The following RBFOX1 variants were observed in gnomAD, a reference collection of about 807,000 sequenced individuals.
RBFOX1 encodes the protein RNA binding fox-1 homolog 1.
Under a neutral mutation model 57.7 loss-of-function variants are expected in RBFOX1, and 8 were observed. The observed-to-expected ratio is 0.14, with a 90% CI of 0.08 to 0.25. The LOEUF is 0.25. Among genes scored for constraint, RBFOX1 ranks in the 10% least tolerant of loss-of-function variants. The pLI is 1.00. For synonymous variants in RBFOX1, 326 were observed against 222.4 expected (o/e 1.47, Z -4.15); for missense variants, 611 against 548.5 (o/e 1.11, Z -1.14).
At chr16:6,852,268 T>A (rs72768832) in intron 3 of RBFOX1, among the ~76,000 whole-genome samples, 1 of 152,000 alleles carries the variant, frequency 6.6e-6, no homozygotes, top group Non-Finnish European at 1.5e-5. Flanking sequence ...TCTGTGTTCT[T>A]GCTGTCTTCC....
At chr16:7,248,324 G>C (rs1218330830) in intron 4 of RBFOX1, among the ~76,000 whole-genome samples, 1 of 152,188 alleles carries the variant, frequency 6.6e-6, no homozygotes, top group Admixed American at 6.5e-5. Context: ...TGTTCATAAA[G>C]GACCGTGCTG....
chr16:7,000,276 C>A (rs866274966), intron 3 of RBFOX1, among the ~76,000 whole-genome samples: 11 of 152,080 alleles, frequency 7.2e-5, no homozygotes, highest in African/African-American at 2.7e-4. Context: ...TAATCTTACA[C>A]ATTTTTAAAG....
chr16:6,795,111 A>G (rs1603624975), intron 3 of RBFOX1, among the ~76,000 whole-genome samples: 1 of 152,160 alleles, frequency 6.6e-6, no homozygotes. Context: ...GGTATATTTT[A>G]TCTACTTTCC....
chr16:5,264,365 G>A (rs1488873215), intron 1 of RBFOX1, among the ~76,000 whole-genome samples: 1 of 152,192 alleles, frequency 6.6e-6, no homozygotes, highest in Non-Finnish European at 1.5e-5. Flanking sequence ...AGGAGACTGT[G>A]CTCTGTTCTT....
chr16:6,383,985 T>C (rs991354869), intron 2 of RBFOX1, among the ~76,000 whole-genome samples: 1 of 151,892 alleles, frequency 6.6e-6, no homozygotes, highest in Non-Finnish European at 1.5e-5. Context: ...GCAGTACATT[T>C]ACTGCTGCTA....
At chr16:5,404,267 A>G (rs192169612) in intron 1 of RBFOX1, among the ~76,000 whole-genome samples, 515 of 152,278 alleles carry the variant, frequency 3.4e-3, no homozygotes, top group Middle Eastern at 0.017. Context: ...CATGTAATAC[A>G]ATTGCACGTG....
chr16:7,616,094 A>G (rs1047372452), intron 10 of RBFOX1, among the ~76,000 whole-genome samples: 2 of 152,204 alleles, frequency 1.3e-5, no homozygotes, highest in Admixed American at 6.5e-5. Context: ...TTGATACCAC[A>G]CAGCTGTGTT....
chr16:7,429,056 C>A (rs148669733), intron 4 of RBFOX1, among the ~76,000 whole-genome samples: 14 of 152,228 alleles, frequency 9.2e-5, no homozygotes, highest in African/African-American at 3.4e-4. Context: ...GGTGACCTGT[C>A]TTGTGGAAAT....
At chr16:5,889,313 C>G (rs963740332) in intron 4 of RBFOX1, among the ~76,000 whole-genome samples, 1 of 152,184 alleles carries the variant, frequency 6.6e-6, no homozygotes, top group Non-Finnish European at 1.5e-5. Context: ...TAAGTGAGAA[C>G]ACGTGGTGTT....
At chr16:5,535,597 C>T (rs796353067) in intron 2 of RBFOX1, among the ~76,000 whole-genome samples, 49 of 152,334 alleles carry the variant, frequency 3.2e-4, no homozygotes, top group African/African-American at 1.1e-3. Context: ...GCTCTCCCCA[C>T]TGGGTCATGC....
At chr16:6,275,305 C>T (rs1022495742) in intron 1 of RBFOX1, among the ~76,000 whole-genome samples, 5 of 50,814 alleles carry the variant, frequency 9.8e-5, no homozygotes, top group African/African-American at 2.9e-4. Flanking sequence ...AGTGAGACTC[C>T]ATCTCAAAAA....
chr16:7,377,571 A>C (rs1341019712), intron 4 of RBFOX1, among the ~76,000 whole-genome samples: 1 of 152,202 alleles, frequency 6.6e-6, no homozygotes, highest in Admixed American at 6.5e-5. Flanking sequence ...GGCAGGAAAA[A>C]ATGTTTTAGA....
At chr16:6,863,045 A>G (rs1441231884) in intron 3 of RBFOX1, among the ~76,000 whole-genome samples, 1 of 152,030 alleles carries the variant, frequency 6.6e-6, no homozygotes, top group Non-Finnish European at 1.5e-5. Context: ...GAGTCCTTCT[A>G]AGGTGTTTGG....
intron 4 of RBFOX1, among the ~76,000 whole-genome samples, chr16:7,060,293 A>G: frequency 6.6e-6 from 1 of 152,184 alleles, no homozygotes; most frequent in East Asian, 1.9e-4. Flanking sequence ...GGCCATAGTT[A>G]GCCAACCCCT....
At chr16:6,682,183 G>A (rs78034254) in intron 3 of RBFOX1, among the ~76,000 whole-genome samples, 18 of 152,236 alleles carry the variant, frequency 1.2e-4, no homozygotes, top group Non-Finnish European at 2.1e-4. Flanking sequence ...TTGTGCCCAA[G>A]GATTAGGGCA....
chr16:6,836,383 G>A (rs1268508867), intron 3 of RBFOX1, among the ~76,000 whole-genome samples: 1 of 152,184 alleles, frequency 6.6e-6, no homozygotes, highest in Non-Finnish European at 1.5e-5. Flanking sequence ...GAAGCAACCA[G>A]AAACCCCATA....
intron 3 of RBFOX1, among the ~76,000 whole-genome samples, chr16:6,696,901 T>C (rs934875342): frequency 8.5e-5 from 13 of 152,200 alleles, no homozygotes; most frequent in African/African-American, 3.1e-4. Flanking sequence ...GAAATGGAGA[T>C]TGCTGTCTTG....
At chr16:6,150,924 T>C (rs1014837826) in intron 1 of RBFOX1, among the ~76,000 whole-genome samples, 9 of 152,190 alleles carry the variant, frequency 5.9e-5, no homozygotes, top group African/African-American at 2.2e-4. Context: ...GATTGACACC[T>C]TGGGCGCCCT....
chr16:7,067,860 T>C (rs2056465731), intron 4 of RBFOX1, among the ~76,000 whole-genome samples: 1 of 151,980 alleles, frequency 6.6e-6, no homozygotes, highest in Admixed American at 6.6e-5. Context: ...ACAAAGGACA[T>C]GAACTCATCA....
Sources: gnomAD v4.1 joint callset for allele counts (sites outside exome capture counted in the v4.1 genomes callset) on GRCh38, gnomAD v4.1.1 for gene constraint, MANE v1.5 for transcripts, NCBI Gene and HGNC (gene_info 2026-07-23, HGNC 2026-07-21) for gene names.